UBE4B: variants seen among roughly 807,000 people sequenced by gnomAD.
UBE4B encodes the protein ubiquitin conjugation factor E4 B.
UBE4B carries 27 observed loss-of-function variants against 148.1 expected under a neutral mutation model. That is an observed-to-expected ratio of 0.18 (90% CI 0.13 to 0.25). The LOEUF is 0.25. Among genes scored for constraint, UBE4B ranks in the 10% least tolerant of loss-of-function variants. UBE4B has a pLI of 1.00. For synonymous variants in UBE4B, 596 were observed against 619.3 expected (o/e 0.96, Z 0.56); for missense variants, 1,170 against 1,662.4 (o/e 0.70, Z 5.15).
At chr1:10,071,953 G>A in intron 1 of UBE4B, 75 bp from the exon 2 acceptor site, 1 of 1,448,014 alleles carries the variant, frequency 6.9e-7, no homozygotes, top group Non-Finnish European at 9.2e-7. Flanking sequence ...GTTTGGTTAT[G>A]AATAATGTCA....
intron 1 of UBE4B, among the ~76,000 whole-genome samples, chr1:10,036,929 C>T (rs1643559686): frequency 2.6e-5 from 4 of 152,088 alleles, no homozygotes; most frequent in Admixed American, 2.6e-4. Flanking sequence ...ATTATACAGT[C>T]CGTGAAAAAG....
At chr1:10,132,508 G>T in intron 15 of UBE4B, 26 bp downstream of exon 15, 1 of 1,600,000 alleles carries the variant, frequency 6.3e-7, no homozygotes. Flanking sequence ...ACTGCTTTTC[G>T]CTGTTTGTCA....
intron 1 of UBE4B, among the ~76,000 whole-genome samples, chr1:10,047,248 A>AT (rs1304336663): frequency 6.6e-6 from 1 of 152,014 alleles, no homozygotes; most frequent in Non-Finnish European, 1.5e-5. Context: ...CAAGATGTTG[A>AT]TTTTTTTCTA....
At chr1:10,129,519 G>A (rs1645556430) in intron 12 of UBE4B, 71 bp downstream of exon 12, 1 of 1,466,432 alleles carries the variant, frequency 6.8e-7, no homozygotes, top group African/African-American at 1.4e-5. Flanking sequence ...TTCCTCTAGT[G>A]AGATGGCCTG....
rs999504425 is a variant in UBE4B at position 10,033,821 on chromosome 1, A to G, written c.24+127A>G. 20 of 1,050,220 alleles carry G rather than the reference A, an allele frequency of 1.9e-5. No homozygotes were observed. The Admixed American group carries it at 3.1e-4, about 16-fold the overall frequency. The allele number at this position is 1,050,220 out of a possible 1,614,324, so 65.1% of individuals were successfully genotyped here. A position where few individuals can be genotyped will look rare whatever the true frequency, so the allele number is the denominator to read the frequency against. On this transcript the variant is annotated intron_variant, in intron 1 of 27. Transcript: ENST00000343090. Reference sequence around the variant, plus strand: ...GAAGGAACGGAGATGATATTTTCCAAGAATAACGTGACTCCCCGATAGGGT... The same window carrying G: ...GAAGGAACGGAGATGATATTTTCCAGGAATAACGTGACTCCCCGATAGGGT...
intron 8 of UBE4B, among the ~76,000 whole-genome samples, chr1:10,118,160 T>C (rs1314207826): frequency 6.6e-6 from 1 of 152,206 alleles, no homozygotes; most frequent in African/African-American, 2.4e-5. Flanking sequence ...ATCACTTCTC[T>C]TGACTGGCTT....
chr1:10,161,999 C>CTTTTTTTTTTTTTTTTTTTTTTTTTTTT lies in UBE4B; in HGVS notation c.3198+729_3198+730insTTTTTTTTTTTTTTTTTTTTTTTTTTTT, dbSNP rs764089127. 7.3e-6 allele frequency among the ~76,000 whole-genome samples: 1 copy of CTTTTTTTTTTTTTTTTTTTTTTTTTTTT among 137,262 alleles called. No homozygotes were observed. The highest frequency in any genetic ancestry group is 2.7e-5 in the African/African-American group (1 of 37,436). 90.0% of individuals were successfully genotyped at this position (137,262 alleles called of 152,430 possible). On this transcript the variant is annotated intron_variant, in intron 23 of 27. Transcript: ENST00000343090. The surrounding 1 kb of genome is among the most constrained non-coding windows in gnomAD (Gnocchi z 4.1). ...GGGGACTGCTTTTTCTTCACTTTTTCTTTTTTTTTTTTTTTTGAGACGGAG... is the reference window on the plus strand; with the variant it reads ...GGGGACTGCTTTTTCTTCACTTTTTCTTTTTTTTTTTTTTTTTTTTTTTTTTTTTTTTTTTTTTTTTTTTGAGACGGAG...
chr1:10,139,605 T>TA (rs1215976117), intron 17 of UBE4B, among the ~76,000 whole-genome samples: 1 of 152,220 alleles, frequency 6.6e-6, no homozygotes, highest in Non-Finnish European at 1.5e-5. Flanking sequence ...AGATTTTCAT[T>TA]ACATCTTGTG....
chr1:10,134,907 C>A (rs894336268), intron 15 of UBE4B, 81 bp from the exon 16 acceptor site: 1 of 1,243,062 alleles, frequency 8.0e-7, no homozygotes, highest in Non-Finnish European at 1.1e-6. Context: ...TTCGCTCCAG[C>A]CTGGGCAACA....
rs753144500 is a variant in UBE4B at position 10,178,796 on chromosome 1, C to T, written c.3678C>T (p.Ser1226=). ...ACGCACGCGCAGAAATCGACTACAG[C>T]GACGCTCCTGATGAGTTCAGAGGCA... ...AKNARAEIDY[S]DAPDEFRDPL... Residue 1226 remains serine (S), a synonymous_variant, in exon 26 of 28, where the codon AGC becomes AGT. Coordinates refer to ENST00000343090, the MANE Select transcript of UBE4B (RefSeq NM_001105562.3). 1.1e-5 allele frequency: 17 copies of T among 1,612,130 alleles called. No individual in the cohort carries two copies. The highest frequency in any genetic ancestry group is 1.7e-4 in the Middle Eastern group (1 of 6,044).
intron 7 of UBE4B, among the ~76,000 whole-genome samples, chr1:10,107,634 A>AT (rs1203843623): frequency 2.7e-5 from 4 of 145,692 alleles, no homozygotes; most frequent in African/African-American, 1.0e-4. Flanking sequence ...CCGGAGTGCA[A>AT]TGGCGCAATC....
At chr1:10,165,759 C>T (rs1454612275) in intron 23 of UBE4B, among the ~76,000 whole-genome samples, 1 of 152,138 alleles carries the variant, frequency 6.6e-6, no homozygotes, top group African/African-American at 2.4e-5. Context: ...TCAGGGATAC[C>T]TTCCCTGACC....
At chr1:10,067,533 T>C (rs1158291195) in intron 1 of UBE4B, among the ~76,000 whole-genome samples, 1 of 152,194 alleles carries the variant, frequency 6.6e-6, no homozygotes, top group Non-Finnish European at 1.5e-5. Context: ...TGGTGTGTTG[T>C]GACTATTTTT....
At chr1:10,146,662 G>C (rs1242998554) in intron 18 of UBE4B, among the ~76,000 whole-genome samples, 1 of 151,864 alleles carries the variant, frequency 6.6e-6, no homozygotes, top group South Asian at 2.1e-4. Context: ...CACCCAAAGG[G>C]CCTCCCTGTC....
At chr1:10,144,458 C>T (rs767962451) in intron 17 of UBE4B, among the ~76,000 whole-genome samples, 2 of 152,026 alleles carry the variant, frequency 1.3e-5, no homozygotes, top group Admixed American at 6.6e-5. Flanking sequence ...AAATATGGCC[C>T]GACGCAGTGG....
chr1:10,074,429 C>T (rs1644544328), intron 2 of UBE4B, among the ~76,000 whole-genome samples: 2 of 152,040 alleles, frequency 1.3e-5, no homozygotes, highest in Admixed American at 6.6e-5. Context: ...TCTAATTCCC[C>T]CTGCCAGCTT....
chr1:10,161,117 A>C lies in UBE4B; in HGVS notation c.3054-25A>C, dbSNP rs766532616. ...TTTTGCTTCAGGGAGATGTATGACC[A>C]TGTACAATATAATTGCCTTTCCAGC... On this transcript the variant is annotated intron_variant, in intron 22 of 27. Coordinates refer to ENST00000343090, the MANE Select transcript of UBE4B (RefSeq NM_001105562.3). The surrounding 1 kb of genome is among the most constrained non-coding windows in gnomAD (Gnocchi z 4.1). 4 of 1,613,024 alleles carry C rather than the reference A, an allele frequency of 2.5e-6. No individual in the cohort carries two copies. The highest frequency in any genetic ancestry group is 1.7e-6 in the Non-Finnish European group (2 of 1,179,310).
chr1:10,079,054 A>G (rs1270985403), intron 2 of UBE4B, among the ~76,000 whole-genome samples: 1 of 152,014 alleles, frequency 6.6e-6, no homozygotes, highest in Non-Finnish European at 1.5e-5. Context: ...CCTGGCCTCA[A>G]GCGATCTTCC....
intron 1 of UBE4B, among the ~76,000 whole-genome samples, chr1:10,071,141 G>A (rs1341129206): frequency 2.0e-5 from 3 of 152,018 alleles, no homozygotes; most frequent in Non-Finnish European, 2.9e-5. Flanking sequence ...TCCTGACCTC[G>A]TGATCCTCCT....
Sources: allele counts gnomAD v4.1 joint callset (sites outside exome capture counted in the v4.1 genomes callset), GRCh38; gene constraint gnomAD v4.1.1; non-coding constraint Gnocchi (gnomAD v3.1); transcripts MANE v1.5; gene names NCBI Gene and HGNC (gene_info 2026-07-23, HGNC 2026-07-21).